DIAPH2: variants seen among roughly 807,000 people sequenced by gnomAD.
DIAPH2 encodes the protein diaphanous related formin 2.
A neutral mutation model predicts 92.7 loss-of-function variants in DIAPH2; 35 were observed. The ratio of observed to expected loss-of-function variants is 0.38; its 90% CI spans 0.29 to 0.50. The LOEUF (loss-of-function observed/expected upper bound fraction) is 0.50. Ranked by LOEUF, DIAPH2 falls within the 20% of genes least tolerant of loss-of-function variation. DIAPH2 has a pLI of 0.94. For missense variants in DIAPH2, 701 were observed against 819.5 expected (o/e 0.86, Z 1.77); for synonymous variants, 301 against 280.4 (o/e 1.07, Z -0.73).
intron 23 of DIAPH2, among the ~76,000 whole-genome samples, chrX:97,321,985 A>C (rs2068902341): frequency 8.9e-6 from 1 of 112,572 alleles, no homozygotes; most frequent in Admixed American, 9.5e-5. Context: ...TTAAAAGTAT[A>C]TTTGCATGTA....
At chrX:96,865,693 T>A (rs989350681) in intron 4 of DIAPH2, among the ~76,000 whole-genome samples, 1 of 112,211 alleles carries the variant, frequency 8.9e-6, no homozygotes, top group Non-Finnish European at 1.9e-5. Flanking sequence ...ATAAAGTTTT[T>A]TAACTTGTGT....
intron 26 of DIAPH2, among the ~76,000 whole-genome samples, chrX:97,517,540 T>TA (rs1030147375): frequency 5.4e-5 from 6 of 111,860 alleles, no homozygotes; most frequent in Admixed American, 9.5e-5. Flanking sequence ...TCCCAGCTTT[T>TA]AAAAAAATAT....
chrX:96,738,716 T>C lies in DIAPH2; in HGVS notation c.296T>C (p.Leu99Ser), dbSNP rs757257069. 8.3e-7 allele frequency: 1 copy of C among 1,208,682 alleles called. No individual in the cohort carries two copies. Among genetic ancestry groups the C allele is most frequent in the Non-Finnish European group, 1.1e-6 (1 of 894,401 alleles). The change falls in exon 3 of 27, where the codon TTG becomes TCG. Residue 99 changes from leucine (L) to serine (S), a missense_variant. This residue lies in a region of DIAPH2 where 131 missense variants were observed against 145.6 expected (regional missense o/e 0.90). Coordinates refer to ENST00000324765, the MANE Select transcript of DIAPH2 (RefSeq NM_006729.5). ...AAQPLYDERS[L>S]NLSEKEVLDL... is the part of the protein sequence containing the mutation. The stretch of plus-strand genomic sequence containing the variant: ...CAGCCATTATATGATGAACGATCTT[T>C]GAATTTGTCAGAAAAGGAAGTATTG...
At chrX:96,757,240 C>T (rs906766093) in intron 3 of DIAPH2, among the ~76,000 whole-genome samples, 1 of 111,253 alleles carries the variant, frequency 9.0e-6, no homozygotes, top group Non-Finnish European at 1.9e-5. Flanking sequence ...TAGAAAAATG[C>T]CTATTCAAGT....
intron 26 of DIAPH2, among the ~76,000 whole-genome samples, chrX:97,520,057 T>G (rs1453306173): frequency 8.9e-6 from 1 of 112,122 alleles, no homozygotes; most frequent in Non-Finnish European, 1.9e-5. Context: ...CCTACCCCCC[T>G]GCTTTTTCCC....
intron 19 of DIAPH2, among the ~76,000 whole-genome samples, chrX:97,091,786 A>G (rs928427956): frequency 1.1e-4 from 12 of 111,646 alleles, no homozygotes; most frequent in Admixed American, 4.8e-4. Context: ...TAATCTTTCT[A>G]TTCTACCTAG....
intron 26 of DIAPH2, among the ~76,000 whole-genome samples, chrX:97,470,302 A>T (rs1164794352): frequency 9.0e-6 from 1 of 111,556 alleles, no homozygotes; most frequent in Non-Finnish European, 1.9e-5. Context: ...TAACTTGAAC[A>T]CTCAGAAATA....
Position 97,599,147 on chromosome X carries a change from A to G in DIAPH2, c.3242-106A>G. The stretch of plus-strand genomic sequence containing the variant: ...GTTACTTATTTACATTTTCATTTGA[A>G]GTGATTTTTCAGGACTATTTGAAAA... On this transcript the variant is annotated intron_variant, in intron 26 of 26. Coordinates refer to ENST00000324765, the MANE Select transcript of DIAPH2 (RefSeq NM_006729.5). The G allele has an allele frequency of 8.9e-6, 4 of 447,839 alleles. No homozygotes were observed. The South Asian group carries it at 1.6e-4, about 18-fold the overall frequency. The allele number at this position is 447,839 out of a possible 1,213,427, so 36.9% of individuals were successfully genotyped here. A position where few individuals can be genotyped will look rare whatever the true frequency, so the allele number is the denominator to read the frequency against.
At chrX:96,788,737 A>G (rs190143367) in intron 4 of DIAPH2, among the ~76,000 whole-genome samples, 86 of 112,044 alleles carry the variant, frequency 7.7e-4, no homozygotes, top group African/African-American at 2.5e-3. Context: ...CTTTATACAA[A>G]GGATGCGTTT....
chrX:97,297,423 T>C, intron 23 of DIAPH2, among the ~76,000 whole-genome samples: 1 of 109,308 alleles, frequency 9.1e-6, no homozygotes, highest in Admixed American at 1.0e-4. Flanking sequence ...TCTTGTATAA[T>C]GTAGATTTAT....
intron 9 of DIAPH2, among the ~76,000 whole-genome samples, chrX:96,929,824 AT>A (rs2065608083): frequency 9.0e-6 from 1 of 110,824 alleles, no homozygotes; most frequent in Admixed American, 9.6e-5. Flanking sequence ...AAATAAAAAA[AT>A]AATAAATTTA....
chrX:97,043,923 A>G (rs2066463472), intron 17 of DIAPH2, among the ~76,000 whole-genome samples: 1 of 112,238 alleles, frequency 8.9e-6, no homozygotes, highest in African/African-American at 3.2e-5. Flanking sequence ...AAGCCACAGA[A>G]CAACAGAAAT....
intron 26 of DIAPH2, among the ~76,000 whole-genome samples, chrX:97,436,728 G>C (rs2070190634): frequency 9.0e-6 from 1 of 111,178 alleles, no homozygotes; most frequent in Non-Finnish European, 1.9e-5. Flanking sequence ...AGCATTTCTG[G>C]GAGTTATCAG....
intron 23 of DIAPH2, among the ~76,000 whole-genome samples, chrX:97,283,138 A>C (rs1250180788): frequency 1.8e-5 from 2 of 111,938 alleles, no homozygotes; most frequent in Non-Finnish European, 3.8e-5. Context: ...CAAATCAGGG[A>C]TACAACATGT....
chrX:96,690,399 G>C (rs1297677165), intron 1 of DIAPH2, among the ~76,000 whole-genome samples: 1 of 111,415 alleles, frequency 9.0e-6, no homozygotes, highest in Non-Finnish European at 1.9e-5. Flanking sequence ...AGGTGTTTTA[G>C]ATAAAATACA....
chrX:97,539,004 C>T (rs1472498670), intron 26 of DIAPH2, among the ~76,000 whole-genome samples: 14 of 112,142 alleles, frequency 1.2e-4, no homozygotes, highest in Non-Finnish European at 1.5e-4. Context: ...TTACAACCCA[C>T]AGACCACTTT....
intron 26 of DIAPH2, among the ~76,000 whole-genome samples, chrX:97,487,323 G>T (rs2070695728): frequency 9.0e-6 from 1 of 111,021 alleles, no homozygotes; most frequent in Non-Finnish European, 1.9e-5. Flanking sequence ...CACCCATGCT[G>T]GAGTGCAGTG....
Position 97,347,788 on chromosome X carries a change from G to C in DIAPH2, c.2845-328G>C, listed in dbSNP as rs145409834. ...AATTAAGTTAAAATGAGCTGATTAG[G>C]GTGGGCCCTAATCCAATATGTCTAG... On this transcript the variant is annotated intron_variant, in intron 23 of 26. Transcript: ENST00000324765. 3.6e-5 allele frequency among the ~76,000 whole-genome samples: 4 copies of C among 110,917 alleles called. No homozygotes were observed. In the East Asian group the frequency reaches 8.5e-4, roughly 24 times the overall value.
intron 22 of DIAPH2, among the ~76,000 whole-genome samples, chrX:97,156,111 G>A (rs992268562): frequency 2.7e-5 from 3 of 112,287 alleles, no homozygotes; most frequent in African/African-American, 9.7e-5. Context: ...CCTGAAATAA[G>A]TGAGCCAAAT....
Sources: allele counts gnomAD v4.1 joint callset (sites outside exome capture counted in the v4.1 genomes callset), GRCh38; gene constraint gnomAD v4.1.1; regional missense constraint gnomAD v4.1.1; transcripts MANE v1.5; gene names NCBI Gene and HGNC (gene_info 2026-07-23, HGNC 2026-07-21).